The following FMN1 variants were observed in gnomAD, a reference collection of about 807,000 sequenced individuals.
The protein encoded by FMN1 is formin 1.
Under a neutral mutation model 132.4 loss-of-function variants are expected in FMN1, and 110 were observed. The observed-to-expected ratio is 0.83, with a 90% CI of 0.71 to 0.97. The LOEUF (loss-of-function observed/expected upper bound fraction) is 0.97, where lower values mean the gene tolerates loss of function less well. FMN1 is among the 50% of genes least tolerant of loss of function. The pLI, the probability that FMN1 is intolerant of heterozygous loss-of-function variation, is 0.00. For synonymous variants in FMN1, 722 were observed against 651.7 expected (o/e 1.11, Z -1.64); for missense variants, 1,792 against 1,705.3 (o/e 1.05, Z -0.90).
chr15:32,944,454 G>T (rs2061462470), intron 9 of FMN1, among the ~76,000 whole-genome samples: 1 of 152,214 alleles, frequency 6.6e-6, no homozygotes, highest in Non-Finnish European at 1.5e-5. Context: ...ACATACAGCT[G>T]ATAATCTGTC....
rs186746209 is a variant in FMN1 at position 32,991,845 on chromosome 15, G to A, written c.2223+16169C>T. ...CACAGGCATTATATGGATCCAATAA[G>A]AGAGCTGCTTCTACGAACAAGAGAA... is the stretch of plus-strand genomic sequence containing the variant. On this transcript the variant is annotated intron_variant, in intron 7 of 20. Coordinates refer to ENST00000616417, the MANE Select transcript of FMN1 (RefSeq NM_001277313.2). Among the ~76,000 whole-genome samples, 5 of 152,292 alleles carry A rather than the reference G, an allele frequency of 3.3e-5. No homozygotes were observed. The East Asian group carries it at 9.6e-4, about 29-fold the overall frequency.
At chr15:33,031,039 C>T (rs1289534854) in intron 6 of FMN1, among the ~76,000 whole-genome samples, 1 of 150,712 alleles carries the variant, frequency 6.6e-6, no homozygotes, top group African/African-American at 2.4e-5. Context: ...CATGTGTTCT[C>T]ATTGTTCAAC....
Position 32,767,855 on chromosome 15 carries a change from G to C in FMN1, c.*6455C>G, listed in dbSNP as rs1183186840. 6.6e-6 allele frequency: 1 copy of C among 152,082 alleles called. No individual in the cohort carries two copies. Among genetic ancestry groups the C allele is most frequent in the Non-Finnish European group, 1.5e-5 (1 of 68,010 alleles). The allele number at this position is 152,082 out of a possible 1,614,324, so 9.4% of individuals were successfully genotyped here. On this transcript the variant is annotated 3_prime_UTR_variant, in exon 21 of 21. Coordinates refer to ENST00000616417, the MANE Select transcript of FMN1 (RefSeq NM_001277313.2). ...ATACTAGACTTTCCCTCTCACTCATGGATTTGTTTTCAATGGAAATGGAAG... is the reference window on the plus strand; with the variant it reads ...ATACTAGACTTTCCCTCTCACTCATCGATTTGTTTTCAATGGAAATGGAAG...
intron 6 of FMN1, among the ~76,000 whole-genome samples, chr15:33,018,067 GAA>G (rs57158332): frequency 0.62 from 88,777 of 142,800 alleles, 28,090 homozygotes; most frequent in Non-Finnish European, 0.7. Flanking sequence ...TACCTCTCAA[GAA>G]AAAAAAAAAA....
intron 4 of FMN1, among the ~76,000 whole-genome samples, chr15:33,125,667 TCG>T (rs1962988381): frequency 2.0e-5 from 3 of 151,350 alleles, no homozygotes; most frequent in Non-Finnish European, 4.4e-5. Flanking sequence ...TGGTGAAACC[TCG>T]TCTCTACTAA....
At chr15:33,019,716 G>C (rs996620656) in intron 6 of FMN1, among the ~76,000 whole-genome samples, 32 of 152,334 alleles carry the variant, frequency 2.1e-4, no homozygotes, top group Admixed American at 1.0e-3. Context: ...GCAGCTGCTT[G>C]CCTGAGTGCT....
chr15:33,012,532 C>T lies in FMN1; in HGVS notation c.2162-4457G>A, dbSNP rs1014961526. The T allele has an allele frequency of 4.3e-5, 66 of 1,518,828 alleles. 1 individual carries two copies. Among genetic ancestry groups the T allele is most frequent in the Admixed American group, 2.7e-4 (16 of 59,688 alleles). 94.1% of individuals were successfully genotyped at this position (1,518,828 alleles called of 1,614,324 possible). Reference sequence around the variant, plus strand: ...GGAAGTGATTGAAATCATGACTGACCGAGGCAGTGGCAAGAAAAGGGGCTT... The same window carrying T: ...GGAAGTGATTGAAATCATGACTGACTGAGGCAGTGGCAAGAAAAGGGGCTT... On this transcript the variant is annotated intron_variant, in intron 6 of 20. Transcript: ENST00000616417.
chr15:32,899,761 G>A (rs2060249560), intron 14 of FMN1: 1 of 584,158 alleles, frequency 1.7e-6, no homozygotes, highest in Admixed American at 3.2e-5. Flanking sequence ...TGGGAATTGA[G>A]TAATTGAAAA....
intron 10 of FMN1, among the ~76,000 whole-genome samples, chr15:32,922,886 T>C (rs939173949): frequency 3.3e-5 from 5 of 152,212 alleles, no homozygotes; most frequent in African/African-American, 1.2e-4. Flanking sequence ...GTGCTTATTA[T>C]GCATATGCCG....
chr15:32,965,987 G>C (rs67433453), intron 8 of FMN1, among the ~76,000 whole-genome samples: 17,593 of 151,992 alleles, frequency 0.12, 1,967 homozygotes, highest in African/African-American at 0.29. Flanking sequence ...TGGGGGAGAC[G>C]GGGGAGAAGT....
chr15:32,810,965 C>T (rs1407958031), intron 17 of FMN1: 1 of 456,180 alleles, frequency 2.2e-6, no homozygotes, highest in East Asian at 6.9e-5. Context: ...AACAAAGGGA[C>T]TGCGCTCTGC....
chr15:32,966,883 T>C (rs965401260), intron 8 of FMN1, among the ~76,000 whole-genome samples: 1 of 152,168 alleles, frequency 6.6e-6, no homozygotes, highest in African/African-American at 2.4e-5. Flanking sequence ...CCACAGGCTC[T>C]TTGAGTCATT....
At chr15:32,949,010 G>T (rs550456936) in intron 9 of FMN1, among the ~76,000 whole-genome samples, 2 of 151,522 alleles carry the variant, frequency 1.3e-5, no homozygotes, top group African/African-American at 4.8e-5. Flanking sequence ...ACTGATTTTT[G>T]ATCTATCTTT....
chr15:33,024,223 A>ATTTTTTTTTTTTTTT lies in FMN1; in HGVS notation c.2162-16163_2162-16149dup, dbSNP rs555760509. ...GGGAATACTATTTCACACCTATCAG[A>ATTTTTTTTTTTTTTT]TTTTTTTTTTTTTTTTTTTTTTTTT... On this transcript the variant is annotated intron_variant, in intron 6 of 20. Coordinates refer to ENST00000616417, the MANE Select transcript of FMN1 (RefSeq NM_001277313.2). Among the ~76,000 whole-genome samples the ATTTTTTTTTTTTTTT allele has an allele frequency of 3.1e-4, 27 of 88,008 alleles. 8 individuals are homozygous for ATTTTTTTTTTTTTTT. The highest frequency in any genetic ancestry group is 4.8e-4 in the East Asian group (1 of 2,084). 57.7% of individuals were successfully genotyped at this position (88,008 alleles called of 152,430 possible). A position where few individuals can be genotyped will look rare whatever the true frequency, so the allele number is the denominator to read the frequency against.
chr15:32,834,419 G>C (rs753983169), intron 17 of FMN1, among the ~76,000 whole-genome samples: 8 of 152,140 alleles, frequency 5.3e-5, no homozygotes, highest in Non-Finnish European at 7.3e-5. Flanking sequence ...TCCACCCTAC[G>C]TTAGCTCTGT....
intron 17 of FMN1, among the ~76,000 whole-genome samples, chr15:32,826,753 T>C (rs944006381): frequency 6.6e-6 from 1 of 152,236 alleles, no homozygotes; most frequent in Non-Finnish European, 1.5e-5. Context: ...CTACATGATC[T>C]CACACTATCA....
chr15:32,995,694 G>A (rs2033724706), intron 7 of FMN1, among the ~76,000 whole-genome samples: 1 of 152,188 alleles, frequency 6.6e-6, no homozygotes, highest in Non-Finnish European at 1.5e-5. Context: ...GAGATAAAGT[G>A]TAAGAAGCCA....
chr15:32,970,522 T>C (rs1336944446), intron 7 of FMN1, among the ~76,000 whole-genome samples: 1 of 152,212 alleles, frequency 6.6e-6, no homozygotes, highest in Non-Finnish European at 1.5e-5. Flanking sequence ...CTGGGATAGT[T>C]ATATTCACTG....
chr15:33,100,938 T>G (rs2141414118), intron 4 of FMN1, among the ~76,000 whole-genome samples: 1 of 152,308 alleles, frequency 6.6e-6, no homozygotes, highest in African/African-American at 2.4e-5. Flanking sequence ...GTTCACAATA[T>G]GACATCAAGT....
Sources: allele counts gnomAD v4.1 joint callset (sites outside exome capture counted in the v4.1 genomes callset), GRCh38; gene constraint gnomAD v4.1.1; transcripts MANE v1.5; gene names NCBI Gene and HGNC (gene_info 2026-07-23, HGNC 2026-07-21).